SNTG1: variants seen among roughly 807,000 people sequenced by gnomAD.
SNTG1 encodes the protein syntrophin gamma 1, also known as gamma-1-syntrophin.
A neutral mutation model predicts 74.7 loss-of-function variants in SNTG1; 39 were observed. The ratio of observed to expected loss-of-function variants is 0.52; its 90% CI spans 0.40 to 0.68. SNTG1 has a LOEUF of 0.68. Ranked by LOEUF, SNTG1 falls within the 30% of genes least tolerant of loss-of-function variation. The probability of loss-of-function intolerance (pLI) is 0.00; values close to 1 mark genes in which losing one functional copy is unlikely to be tolerated. For missense variants in SNTG1, 685 were observed against 609.5 expected (o/e 1.12, Z -1.30); for synonymous variants, 254 against 217.1 (o/e 1.17, Z -1.49).
rs1809093468 is a variant in SNTG1, at chr8:49,945,462, T to G, written c.-103+33231T>G. Among the ~76,000 whole-genome samples, 5 of 152,292 alleles carry G rather than the reference T, an allele frequency of 3.3e-5. No homozygotes were observed. The South Asian group carries it at 1.0e-3, about 32-fold the overall frequency. ...AGGTCTGCATTCATTTAACCTTTCG[T>G]CATGGGTCTTATGTTAAGCAGCAGT... On this transcript the variant is annotated intron_variant, in intron 1 of 18. Transcript: ENST00000642720.
intron 1 of SNTG1, among the ~76,000 whole-genome samples, chr8:50,103,086 A>G (rs966864871): frequency 1.3e-5 from 2 of 151,938 alleles, no homozygotes; most frequent in African/African-American, 4.8e-5. Context: ...GTTTTTTCCA[A>G]TTCTGTGAAG....
In SNTG1 at chr8:49,993,889, G is replaced by A. The variant is rs190043644; in HGVS notation, c.-103+81658G>A. Reference sequence around the variant, plus strand: ...TGAAGAGTGGTGTTGATTATTGAACGAATGAAACATTAGAACCATTATATT... The same window carrying A: ...TGAAGAGTGGTGTTGATTATTGAACAAATGAAACATTAGAACCATTATATT... On this transcript the variant is annotated intron_variant, in intron 1 of 18. Coordinates refer to ENST00000642720, the MANE Select transcript of SNTG1 (RefSeq NM_018967.5). Among the ~76,000 whole-genome samples the A allele has an allele frequency of 4.6e-5, 7 of 152,244 alleles. No homozygotes were observed. The East Asian group carries it at 1.2e-3, about 25-fold the overall frequency.
At chr8:50,020,096 C>G (rs1816688313) in intron 1 of SNTG1, among the ~76,000 whole-genome samples, 2 of 152,092 alleles carry the variant, frequency 1.3e-5, no homozygotes, top group Non-Finnish European at 1.5e-5. Flanking sequence ...ATGGGATTCC[C>G]CATTTACATT....
intron 2 of SNTG1, among the ~76,000 whole-genome samples, chr8:50,221,190 A>T (rs988720115): frequency 1.3e-5 from 2 of 152,190 alleles, no homozygotes; most frequent in Admixed American, 6.5e-5. Flanking sequence ...AAGACATATA[A>T]ATGTACACAA....
In SNTG1 at chr8:50,155,418, T is replaced by C. The variant is rs560221979; in HGVS notation, c.-102-17143T>C. On this transcript the variant is annotated intron_variant, in intron 1 of 18. Transcript: ENST00000642720. ...ACAATTCAAAAATTAGCTAAAAGTGTATTAGAGAACTAATGTAAAAGTTAA... is the reference window on the plus strand; with the variant it reads ...ACAATTCAAAAATTAGCTAAAAGTGCATTAGAGAACTAATGTAAAAGTTAA... Among the ~76,000 whole-genome samples the C allele has an allele frequency of 2.6e-5, 4 of 152,186 alleles. No homozygotes were observed. In the East Asian group the frequency reaches 5.8e-4, roughly 22 times the overall value.
intron 8 of SNTG1, among the ~76,000 whole-genome samples, chr8:50,461,190 TG>T (rs2093558682): frequency 6.6e-6 from 1 of 151,350 alleles, no homozygotes; most frequent in African/African-American, 2.4e-5. Flanking sequence ...TGTGTGTGTG[TG>T]TGTGTGTGTG....
At chr8:50,271,801 G>T (rs150123605) in intron 2 of SNTG1, among the ~76,000 whole-genome samples, 1 of 152,096 alleles carries the variant, frequency 6.6e-6, no homozygotes, top group Non-Finnish European at 1.5e-5. Flanking sequence ...TACATACCTG[G>T]TGTTATGATA....
chr8:49,929,236 T>G (rs1332163747), intron 1 of SNTG1, among the ~76,000 whole-genome samples: 1 of 152,178 alleles, frequency 6.6e-6, no homozygotes, highest in Non-Finnish European at 1.5e-5. Context: ...AAAATATAAT[T>G]CATTGGAGAG....
chr8:50,666,295 C>T (rs1043300150), intron 15 of SNTG1, among the ~76,000 whole-genome samples: 1 of 152,090 alleles, frequency 6.6e-6, no homozygotes, highest in Non-Finnish European at 1.5e-5. Context: ...GCATTTTTCT[C>T]ACTGAAGGCA....
intron 13 of SNTG1, among the ~76,000 whole-genome samples, chr8:50,642,620 G>A (rs1386309275): frequency 6.6e-6 from 1 of 152,092 alleles, no homozygotes; most frequent in Admixed American, 6.6e-5. Flanking sequence ...CAGCCTTGAT[G>A]CTTTTCCTTC....
chr8:50,743,852 A>G (rs1344924403), intron 17 of SNTG1, among the ~76,000 whole-genome samples: 1 of 151,986 alleles, frequency 6.6e-6, no homozygotes, highest in African/African-American at 2.4e-5. Context: ...TCTTCAGCCT[A>G]TACAGGAAGC....
intron 2 of SNTG1, among the ~76,000 whole-genome samples, chr8:50,258,926 A>C (rs1487674444): frequency 2.0e-5 from 3 of 152,144 alleles, no homozygotes; most frequent in African/African-American, 7.2e-5. Flanking sequence ...CTGATTAAAA[A>C]CATTAATTTA....
intron 2 of SNTG1, among the ~76,000 whole-genome samples, chr8:50,180,077 A>C (rs965211046): frequency 1.9e-4 from 29 of 152,252 alleles, no homozygotes; most frequent in African/African-American, 6.5e-4. Flanking sequence ...TGGTATATGT[A>C]CATAATATAA....
chr8:50,184,990 T>C (rs1355213006), intron 2 of SNTG1, among the ~76,000 whole-genome samples: 1 of 152,192 alleles, frequency 6.6e-6, no homozygotes, highest in East Asian at 1.9e-4. Context: ...TTCTTCTTAT[T>C]CAAGGTTATA....
chr8:50,667,345 T>C (rs559789513), intron 15 of SNTG1, among the ~76,000 whole-genome samples: 6 of 152,196 alleles, frequency 3.9e-5, no homozygotes, highest in Non-Finnish European at 8.8e-5. Context: ...TTATCTGTTT[T>C]CTGTTGCTAT....
At chr8:50,568,231 G>T (rs11996451) in intron 12 of SNTG1, among the ~76,000 whole-genome samples, 12 of 8,606 alleles carry the variant, frequency 1.4e-3, no homozygotes, top group African/African-American at 5.1e-3. Flanking sequence ...CCATGTTTGT[G>T]TGTGTGTGTG....
intron 2 of SNTG1, among the ~76,000 whole-genome samples, chr8:50,189,124 T>C (rs550105086): frequency 6.6e-6 from 1 of 152,268 alleles, no homozygotes; most frequent in Non-Finnish European, 1.5e-5. Flanking sequence ...ACTTATCCTT[T>C]ACCTAGACAA....
At chr8:50,348,456 G>GA (rs1489343188) in intron 2 of SNTG1, among the ~76,000 whole-genome samples, 2 of 152,140 alleles carry the variant, frequency 1.3e-5, no homozygotes, top group African/African-American at 4.8e-5. Flanking sequence ...TGTGAATAGA[G>GA]AAAATCCATT....
intron 4 of SNTG1, among the ~76,000 whole-genome samples, chr8:50,434,436 C>G (rs1329740602): frequency 6.6e-6 from 1 of 151,978 alleles, no homozygotes; most frequent in Non-Finnish European, 1.5e-5. Context: ...AATGGTATTT[C>G]TAGTTCTAGA....
Sources: allele counts gnomAD v4.1 joint callset (sites outside exome capture counted in the v4.1 genomes callset), GRCh38; gene constraint gnomAD v4.1.1; transcripts MANE v1.5; gene names NCBI Gene and HGNC (gene_info 2026-07-23, HGNC 2026-07-21).